The following FRMPD1 variants were observed in gnomAD, a reference collection of about 807,000 sequenced individuals.
The protein encoded by FRMPD1 is FERM and PDZ domain containing 1, also known as FERM and PDZ domain-containing protein 1.
A neutral mutation model predicts 117.8 loss-of-function variants in FRMPD1; 76 were observed. That is an observed-to-expected ratio of 0.65 (90% CI 0.54 to 0.78). The LOEUF is 0.78. Ranked by LOEUF, FRMPD1 falls within the 30% of genes least tolerant of loss-of-function variation. FRMPD1 has a pLI of 0.00. For missense variants in FRMPD1, 1,786 were observed against 1,964.5 expected, an observed-to-expected ratio of 0.91 and a Z score of 1.72; for synonymous variants, 783 against 770.4, an observed-to-expected ratio of 1.02 and a Z score of -0.27.
intron 13 of FRMPD1, among the ~76,000 whole-genome samples, chr9:37,736,192 G>A (rs1379336564): frequency 3.3e-5 from 5 of 151,872 alleles, no homozygotes; most frequent in East Asian, 2.0e-4. Flanking sequence ...TCGTAGAGAT[G>A]GGGTTTCACT....
intron 8 of FRMPD1, among the ~76,000 whole-genome samples, chr9:37,730,521 G>A (rs898070826): frequency 2.6e-5 from 4 of 152,182 alleles, no homozygotes; most frequent in Non-Finnish European, 4.4e-5. Context: ...AAGGTTTACT[G>A]CTTGCAGACT....
At chr9:37,685,186 C>T (rs1301869741) in intron 1 of FRMPD1, among the ~76,000 whole-genome samples, 3 of 152,156 alleles carry the variant, frequency 2.0e-5, no homozygotes, top group Non-Finnish European at 4.4e-5. Context: ...CTTTCTTTTT[C>T]AAATGATCAT....
intron 6 of FRMPD1, 83 bp from the exon 7 acceptor site, chr9:37,724,142 C>G (rs1036839567): frequency 5.6e-5 from 39 of 699,036 alleles, no homozygotes; most frequent in Non-Finnish European, 9.2e-5. Flanking sequence ...CCACTGTTCT[C>G]CAGCCTGGGT....
rs1047290037 is a variant in FRMPD1 at position 37,739,981 on chromosome 9, T to C, written c.1550-97T>C. On this transcript the variant is annotated intron_variant, in intron 14 of 15. Transcript: ENST00000377765. ...GCCAGCCACCCTCTGGCCCTCAGTT[T>C]TCTCGTCTGGCAGGGTTGGGTGGGG... is the stretch of plus-strand genomic sequence containing the variant. The C allele has an allele frequency of 1.1e-5, 10 of 910,990 alleles. No individual in the cohort carries two copies. The African/African-American group carries it at 1.7e-4, about 15-fold the overall frequency. The allele number at this position is 910,990 out of a possible 1,614,324, so 56.4% of individuals were successfully genotyped here.
At chr9:37,608,751 G>C in the FRMPD1 span, among the ~76,000 whole-genome samples, 1 of 152,178 alleles carries the variant, frequency 6.6e-6, no homozygotes, top group Non-Finnish European at 1.5e-5. Context: ...AAAATACTAA[G>C]AGTATTTAAA....
At chr9:37,727,608 T>C (rs760930544) in intron 7 of FRMPD1, among the ~76,000 whole-genome samples, 5 of 152,022 alleles carry the variant, frequency 3.3e-5, no homozygotes, top group South Asian at 2.1e-4. Flanking sequence ...AGGCTTTCCA[T>C]TGGGGCCAGC....
intron 4 of FRMPD1, among the ~76,000 whole-genome samples, chr9:37,709,448 G>A (rs1455562056): frequency 2.6e-5 from 4 of 151,422 alleles, no homozygotes; most frequent in East Asian, 1.9e-4. Context: ...CCAGCTACTC[G>A]GGTGGCTGAG....
the FRMPD1 span, among the ~76,000 whole-genome samples, chr9:37,637,963 G>GCTTCTTTT: frequency 2.1e-4 from 21 of 100,128 alleles, 1 homozygote; most frequent in African/African-American, 7.2e-4. Context: ...AATGGTGTAT[G>GCTTCTTTT]CTTTCTTTCT....
At chr9:37,621,099 GT>G in the FRMPD1 span, among the ~76,000 whole-genome samples, 49 of 152,326 alleles carry the variant, frequency 3.2e-4, no homozygotes, top group Non-Finnish European at 5.4e-4. Context: ...GAGAGAAGGA[GT>G]GACTGACTGA....
intron 1 of FRMPD1, among the ~76,000 whole-genome samples, chr9:37,656,376 C>T (rs1820845175): frequency 6.6e-6 from 1 of 152,176 alleles, no homozygotes; most frequent in East Asian, 1.9e-4. Context: ...TTTAGCTTTT[C>T]AGTGTGCCTA....
chr9:37,678,509 C>T (rs929548581), intron 1 of FRMPD1, among the ~76,000 whole-genome samples: 2 of 152,132 alleles, frequency 1.3e-5, no homozygotes, highest in East Asian at 1.9e-4. Flanking sequence ...GATCCACCTA[C>T]CTCAGCCTCC....
At chr9:37,665,590 T>A (rs759556084) in intron 1 of FRMPD1, among the ~76,000 whole-genome samples, 1 of 152,242 alleles carries the variant, frequency 6.6e-6, no homozygotes, top group Non-Finnish European at 1.5e-5. Flanking sequence ...CATTTGTAAT[T>A]GAGCCCAGGG....
intron 6 of FRMPD1, among the ~76,000 whole-genome samples, chr9:37,722,147 A>T (rs1454856461): frequency 6.6e-6 from 1 of 152,180 alleles, no homozygotes; most frequent in African/African-American, 2.4e-5. Flanking sequence ...CCTCATCCTG[A>T]TGTAGTGTGA....
intron 13 of FRMPD1, 120 bp downstream of exon 13, chr9:37,735,854 A>C: frequency 2.9e-6 from 2 of 682,068 alleles, no homozygotes; most frequent in Middle Eastern, 8.0e-4. Context: ...TCTGCTTAAG[A>C]GGACGAATTG....
chr9:37,679,453 A>C (rs1821645741), intron 1 of FRMPD1, among the ~76,000 whole-genome samples: 2 of 152,256 alleles, frequency 1.3e-5, no homozygotes, highest in African/African-American at 4.8e-5. Context: ...ATGTACTAAC[A>C]TCAGCATAGT....
intron 2 of FRMPD1, among the ~76,000 whole-genome samples, chr9:37,698,899 C>T (rs925703663): frequency 1.3e-5 from 2 of 151,962 alleles, no homozygotes; most frequent in Non-Finnish European, 2.9e-5. Flanking sequence ...CCACCACACC[C>T]GGCTAACTTT....
chr9:37,692,537 T>C (rs935476076), intron 1 of FRMPD1, 101 bp from the exon 2 acceptor site: 5 of 790,750 alleles, frequency 6.3e-6, no homozygotes, highest in Admixed American at 5.5e-5. Flanking sequence ...TCGATTAGCA[T>C]GTCTTATAAT....
At chr9:37,708,332 C>A in intron 3 of FRMPD1, 67 bp from the exon 4 acceptor site, 1 of 926,300 alleles carries the variant, frequency 1.1e-6, no homozygotes, top group Non-Finnish European at 1.7e-6. Flanking sequence ...TTTAACTGTG[C>A]CGCTATTACA....
intron 2 of FRMPD1, among the ~76,000 whole-genome samples, chr9:37,698,495 T>C (rs1813473310): frequency 6.6e-6 from 1 of 151,780 alleles, no homozygotes; most frequent in African/African-American, 2.4e-5. Flanking sequence ...TGCCTACTTT[T>C]ACACAGCTGT....
Sources: gnomAD v4.1 joint callset for allele counts (sites outside exome capture counted in the v4.1 genomes callset) on GRCh38, gnomAD v4.1.1 for gene constraint, MANE v1.5 for transcripts, NCBI Gene and HGNC (gene_info 2026-07-23, HGNC 2026-07-21) for gene names.